TPST1: variants seen among roughly 807,000 people sequenced by gnomAD.
TPST1 encodes tyrosylprotein sulfotransferase 1, also known as protein-tyrosine sulfotransferase 1.
A neutral mutation model predicts 34.8 loss-of-function variants in TPST1; 20 were observed. The observed-to-expected ratio is 0.57, with a 90% CI of 0.40 to 0.84. TPST1 has a LOEUF of 0.84. Among genes scored for constraint, TPST1 ranks in the 40% least tolerant of loss-of-function variants. The pLI is 0.00. For missense variants in TPST1, 353 were observed against 455.5 expected (o/e 0.78, Z 2.05); for synonymous variants, 152 against 159.4 (o/e 0.95, Z 0.35).
intron 2 of TPST1, among the ~76,000 whole-genome samples, chr7:66,247,459 C>G (rs1349826251): frequency 6.6e-6 from 1 of 151,988 alleles, no homozygotes; most frequent in Non-Finnish European, 1.5e-5. Flanking sequence ...TATGGAAAAC[C>G]AAGGAGAGGT....
chr7:66,343,207 G>A lies in TPST1; in HGVS notation c.1045-9298G>A, dbSNP rs1305918798. ...ATTCTATTTTAATAAGGAGTCTTTA[G>A]GGAAACGAAGAAATGATAGATACAA... On this transcript the variant is annotated intron_variant, in intron 3 of 5. Coordinates refer to ENST00000304842, the MANE Select transcript of TPST1 (RefSeq NM_003596.4). Among the ~76,000 whole-genome samples, 7 of 152,264 alleles carry A rather than the reference G, an allele frequency of 4.6e-5. No individual in the cohort carries two copies. The East Asian group carries it at 1.3e-3, about 29-fold the overall frequency.
At chr7:66,286,823 T>TTTTTTCATTTATTG in intron 3 of TPST1, 114 bp downstream of exon 3, 1 of 645,776 alleles carries the variant, frequency 1.5e-6, no homozygotes, top group Non-Finnish European at 2.1e-6. Context: ...ATATATTTTT[T>TTTTTTCATTTATTG]TTTTTTTTCA....
chr7:66,282,203 G>A (rs1790945822), intron 2 of TPST1, among the ~76,000 whole-genome samples: 1 of 152,194 alleles, frequency 6.6e-6, no homozygotes, highest in Non-Finnish European at 1.5e-5. Context: ...CTTGCAGTCT[G>A]CAGGTTATTA....
intron 3 of TPST1, among the ~76,000 whole-genome samples, chr7:66,309,672 G>A (rs1791491838): frequency 6.6e-6 from 1 of 152,202 alleles, no homozygotes; most frequent in East Asian, 1.9e-4. Context: ...GGAAGCGTTA[G>A]ACACTGCTGA....
At chr7:66,230,844 G>A (rs577130668) in intron 1 of TPST1, among the ~76,000 whole-genome samples, 6 of 152,246 alleles carry the variant, frequency 3.9e-5, no homozygotes, top group Admixed American at 2.6e-4. Flanking sequence ...TTGACAGGGC[G>A]CTGATTGGTG....
At chr7:66,260,438 G>A (rs891856356) in intron 2 of TPST1, among the ~76,000 whole-genome samples, 1 of 152,182 alleles carries the variant, frequency 6.6e-6, no homozygotes, top group African/African-American at 2.4e-5. Flanking sequence ...GATGCTCAAC[G>A]TGTACTTGAA....
rs564405118 is a variant in TPST1, at chr7:66,325,381, C to CT, written c.1045-27115dup. Among the ~76,000 whole-genome samples, 38 of 151,178 alleles carry CT rather than the reference C, an allele frequency of 2.5e-4. No individual in the cohort carries two copies. The South Asian group carries it at 3.1e-3, about 13-fold the overall frequency. On this transcript the variant is annotated intron_variant, in intron 3 of 5. Transcript: ENST00000304842. ...ACCATATCACTACCATTTTTCTTTT[C>CT]TTTTTTTTTCATGCCTGGATTTTTT...
intron 1 of TPST1, among the ~76,000 whole-genome samples, chr7:66,227,846 TA>T (rs1023013314): frequency 1.5e-4 from 23 of 152,282 alleles, no homozygotes; most frequent in African/African-American, 5.5e-4. Flanking sequence ...ATTCCTCTTC[TA>T]AAATTTAGTT....
chr7:66,321,823 C>T (rs933418208), intron 3 of TPST1, among the ~76,000 whole-genome samples: 1 of 152,088 alleles, frequency 6.6e-6, no homozygotes, highest in Non-Finnish European at 1.5e-5. Flanking sequence ...ATTTTTATTT[C>T]CTTAGTAACT....
chr7:66,327,084 T>A (rs944372922), intron 3 of TPST1, among the ~76,000 whole-genome samples: 1 of 152,220 alleles, frequency 6.6e-6, no homozygotes, highest in Non-Finnish European at 1.5e-5. Flanking sequence ...AGATTCCTTT[T>A]TGTGTAATCA....
intron 3 of TPST1, among the ~76,000 whole-genome samples, chr7:66,339,977 T>C (rs1792202242): frequency 6.6e-6 from 1 of 151,984 alleles, no homozygotes; most frequent in African/African-American, 2.4e-5. Flanking sequence ...CAATAGATGC[T>C]CAAAAAGCAT....
chr7:66,278,032 G>A (rs1256306451), intron 2 of TPST1, among the ~76,000 whole-genome samples: 1 of 135,738 alleles, frequency 7.4e-6, no homozygotes, highest in East Asian at 2.3e-4. Flanking sequence ...CCCATGAGGT[G>A]GACGTTGCAG....
chr7:66,283,843 C>T (rs1387446620), intron 2 of TPST1, among the ~76,000 whole-genome samples: 1 of 152,118 alleles, frequency 6.6e-6, no homozygotes, highest in Non-Finnish European at 1.5e-5. Context: ...ATTATGTGTA[C>T]CTTTGTCTCT....
chr7:66,243,941 A>T (rs1273955336), intron 2 of TPST1, among the ~76,000 whole-genome samples: 12 of 116,220 alleles, frequency 1.0e-4, no homozygotes, highest in South Asian at 7.8e-4. Context: ...ATTCTGGGAA[A>T]TTTTTTTTTT....
At chr7:66,246,105 G>A (rs1790141850) in intron 2 of TPST1, among the ~76,000 whole-genome samples, 1 of 151,322 alleles carries the variant, frequency 6.6e-6, no homozygotes, top group Non-Finnish European at 1.5e-5. Context: ...TGAACTCCTG[G>A]GTTCAAATGA....
rs4149466 is a variant in TPST1 at position 66,352,713 on chromosome 7, C to G, written c.1095+158C>G. Reference sequence around the variant, plus strand: ...ATATGTGCTGGGGAAGAAAGATCAGCGTCTGGGACTTGTTGATTTTAACAA... The same window carrying G: ...ATATGTGCTGGGGAAGAAAGATCAGGGTCTGGGACTTGTTGATTTTAACAA... On this transcript the variant is annotated intron_variant, in intron 4 of 5. Transcript: ENST00000304842. 5,004 of 985,370 alleles carry G rather than the reference C, an allele frequency of 5.1e-3. 80 individuals are homozygous for G. The East Asian group carries it at 0.083, about 16-fold the overall frequency. 61.0% of individuals were successfully genotyped at this position (985,370 alleles called of 1,614,324 possible). A position where few individuals can be genotyped will look rare whatever the true frequency, so the allele number is the denominator to read the frequency against.
At chr7:66,329,193 G>A (rs1011924069) in intron 3 of TPST1, among the ~76,000 whole-genome samples, 10 of 151,858 alleles carry the variant, frequency 6.6e-5, no homozygotes, top group Non-Finnish European at 1.3e-4. Context: ...GGGATTATAG[G>A]TGTGAGCCAC....
chr7:66,326,102 A>G (rs1005695594), intron 3 of TPST1, among the ~76,000 whole-genome samples: 3 of 152,312 alleles, frequency 2.0e-5, no homozygotes, highest in African/African-American at 7.2e-5. Context: ...TATGCTGTAA[A>G]TTGGTTTCAG....
At chr7:66,293,029 A>C (rs2115968940) in intron 3 of TPST1, among the ~76,000 whole-genome samples, 1 of 151,986 alleles carries the variant, frequency 6.6e-6, no homozygotes, top group African/African-American at 2.4e-5. Flanking sequence ...ACACGGTGAA[A>C]CCCCTTCTCT....
Sources: allele counts gnomAD v4.1 joint callset (sites outside exome capture counted in the v4.1 genomes callset), GRCh38; gene constraint gnomAD v4.1.1; transcripts MANE v1.5; gene names NCBI Gene and HGNC (gene_info 2026-07-23, HGNC 2026-07-21).